Variants in HS3ST1 observed in about 807,000 individuals in gnomAD.
HS3ST1 encodes heparan sulfate-glucosamine 3-sulfotransferase 1, also known as heparan sulfate glucosamine 3-O-sulfotransferase 1.
In HS3ST1, 8 loss-of-function variants were observed where a neutral mutation model predicts 20.7. The ratio of observed to expected loss-of-function variants is 0.39; its 90% CI spans 0.23 to 0.70. The LOEUF is 0.70. HS3ST1 is among the 30% of genes least tolerant of loss of function. The probability of loss-of-function intolerance (pLI) is 0.46; values close to 1 mark genes in which losing one functional copy is unlikely to be tolerated. For missense variants in HS3ST1, 436 were observed against 423.4 expected (o/e 1.03, Z -0.26); for synonymous variants, 205 against 190.4 (o/e 1.08, Z -0.63).
chr4:11,427,695 G>T (rs1005022295), intron 1 of HS3ST1, among the ~76,000 whole-genome samples: 1 of 152,226 alleles, frequency 6.6e-6, no homozygotes, highest in South Asian at 2.1e-4. Context: ...GCGAGGAATC[G>T]CTGGCTCCCA....
intron 1 of HS3ST1, among the ~76,000 whole-genome samples, chr4:11,400,561 C>G (rs977140892): frequency 6.6e-6 from 1 of 152,122 alleles, no homozygotes; most frequent in African/African-American, 2.4e-5. Context: ...GCATGCTAAC[C>G]CTTGCTATAA....
rs1718134534 is a variant in HS3ST1 at position 11,395,996 on chromosome 4, T to G, written c.*3086A>C. The stretch of plus-strand genomic sequence containing the variant: ...TACTGGTTCCTGTTGTATTTTCTTT[T>G]TATATTCTTGAGGACTCAATACCAT... On this transcript the variant is annotated 3_prime_UTR_variant, in exon 2 of 2. Transcript: ENST00000002596. 6.6e-6 allele frequency: 1 copy of G among 152,202 alleles called. No homozygotes were observed. The highest frequency in any genetic ancestry group is 2.1e-4 in the South Asian group (1 of 4,832). 9.4% of individuals were successfully genotyped at this position (152,202 alleles called of 1,614,324 possible). A position where few individuals can be genotyped will look rare whatever the true frequency, so the allele number is the denominator to read the frequency against.
intron 1 of HS3ST1, among the ~76,000 whole-genome samples, chr4:11,412,581 G>A (rs1718666119): frequency 6.6e-6 from 1 of 152,148 alleles, no homozygotes; most frequent in Admixed American, 6.5e-5. Context: ...TCTCCTTGAT[G>A]GGGAGGGGGA....
intron 1 of HS3ST1, among the ~76,000 whole-genome samples, chr4:11,410,840 C>G (rs1718608085): frequency 1.3e-5 from 2 of 152,006 alleles, no homozygotes; most frequent in African/African-American, 4.8e-5. Flanking sequence ...TGCAGTGAGC[C>G]AAGATCACAC....
At chr4:11,426,774 C>T (rs146997239) in intron 1 of HS3ST1, among the ~76,000 whole-genome samples, 1 of 152,362 alleles carries the variant, frequency 6.6e-6, no homozygotes, top group African/African-American at 2.4e-5. Context: ...TAACCAAAAC[C>T]TGGAAAGACT....
chr4:11,411,899 C>G (rs1718648253), intron 1 of HS3ST1, among the ~76,000 whole-genome samples: 1 of 152,062 alleles, frequency 6.6e-6, no homozygotes, highest in Non-Finnish European at 1.5e-5. Context: ...CTCCATAGGA[C>G]CAAGAGCAAG....
chr4:11,418,157 G>A (rs1577446135), intron 1 of HS3ST1, among the ~76,000 whole-genome samples: 2 of 152,128 alleles, frequency 1.3e-5, no homozygotes, highest in Non-Finnish European at 2.9e-5. Context: ...TGATGACATC[G>A]GCTGCTTTGG....
intron 1 of HS3ST1, among the ~76,000 whole-genome samples, chr4:11,407,666 C>T (rs866324994): frequency 2.0e-5 from 3 of 152,314 alleles, no homozygotes; most frequent in Non-Finnish European, 4.4e-5. Flanking sequence ...ATAAAAAATT[C>T]GCATGAGAGG....
At chr4:11,418,192 G>T (rs900951151) in intron 1 of HS3ST1, among the ~76,000 whole-genome samples, 1 of 152,222 alleles carries the variant, frequency 6.6e-6, no homozygotes, top group Non-Finnish European at 1.5e-5. Flanking sequence ...TTAGCCACCT[G>T]GAGGGGAGGA....
chr4:11,429,877 G>A (rs1293183090), upstream of HS3ST1: 1 of 151,870 alleles, frequency 6.6e-6, no homozygotes, highest in African/African-American at 2.4e-5. Flanking sequence ...TGAGCCAAAG[G>A]AAGTTGCCCT....
rs1299795927 is a variant in HS3ST1 at position 11,393,484 on chromosome 4, A to G, written c.*5598T>C. 2.0e-5 allele frequency: 3 copies of G among 152,108 alleles called. No homozygotes were observed. The highest frequency in any genetic ancestry group is 4.8e-5 in the African/African-American group (2 of 41,332). 9.4% of individuals were successfully genotyped at this position (152,108 alleles called of 1,614,324 possible). ...ATGTAAAATACAGAGAGAAGAAAAC[A>G]TGCATGCAAGGTTAAGACTTTAGAG... On this transcript the variant is annotated 3_prime_UTR_variant, in exon 2 of 2. Transcript: ENST00000002596.
intron 1 of HS3ST1, among the ~76,000 whole-genome samples, chr4:11,422,764 G>T (rs1039577236): frequency 9.9e-5 from 15 of 152,086 alleles, no homozygotes; most frequent in African/African-American, 3.4e-4. Context: ...AATGCAAAAT[G>T]AAATTTTATA....
At chr4:11,404,775 G>A (rs1051866232) in intron 1 of HS3ST1, among the ~76,000 whole-genome samples, 2 of 152,204 alleles carry the variant, frequency 1.3e-5, no homozygotes, top group African/African-American at 4.8e-5. Flanking sequence ...TGGAGCTGAG[G>A]CCACATCCTT....
intron 1 of HS3ST1, among the ~76,000 whole-genome samples, chr4:11,418,247 A>G (rs1718838342): frequency 6.6e-6 from 1 of 152,198 alleles, no homozygotes; most frequent in Non-Finnish European, 1.5e-5. Context: ...AAGCAGCTAG[A>G]TCTATGATGA....
chr4:11,415,865 G>A (rs1718767406), intron 1 of HS3ST1, among the ~76,000 whole-genome samples: 1 of 152,136 alleles, frequency 6.6e-6, no homozygotes, highest in African/African-American at 2.4e-5. Flanking sequence ...AGGGCCCACT[G>A]GTCTATGTCA....
intron 1 of HS3ST1, among the ~76,000 whole-genome samples, chr4:11,410,390 G>A (rs1171379519): frequency 6.6e-6 from 1 of 152,172 alleles, no homozygotes; most frequent in Non-Finnish European, 1.5e-5. Flanking sequence ...ACACAATCTT[G>A]GAGAAAACTT....
chr4:11,401,451 T>C (rs1237303390), intron 1 of HS3ST1, among the ~76,000 whole-genome samples: 1 of 152,054 alleles, frequency 6.6e-6, no homozygotes, highest in Non-Finnish European at 1.5e-5. Context: ...TTCAAGTGAT[T>C]TTCCTGCCTC....
chr4:11,417,721 T>C (rs990195521), intron 1 of HS3ST1, among the ~76,000 whole-genome samples: 2 of 152,192 alleles, frequency 1.3e-5, no homozygotes, highest in African/African-American at 4.8e-5. Flanking sequence ...TAGAGAAATA[T>C]TGCAGATTGC....
rs1577431776 is a variant in HS3ST1 at position 11,393,834 on chromosome 4, GACA to G, written c.*5245_*5247del. 3 of 152,336 alleles carry G rather than the reference GACA, an allele frequency of 2.0e-5. No individual in the cohort carries two copies. The highest frequency in any genetic ancestry group is 2.1e-4 in the South Asian group (1 of 4,820). The allele number at this position is 152,336 out of a possible 1,614,324, so 9.4% of individuals were successfully genotyped here. On this transcript the variant is annotated 3_prime_UTR_variant, in exon 2 of 2. Coordinates refer to ENST00000002596, the MANE Select transcript of HS3ST1 (RefSeq NM_005114.4). The stretch of plus-strand genomic sequence containing the variant: ...CCTAGGAAAGCAGGGGAGTGGGGTG[GACA>G]ACATTTCTCAGGCATCTTCAGGTAA...
Sources: gnomAD v4.1 joint callset for allele counts (sites outside exome capture counted in the v4.1 genomes callset) on GRCh38, gnomAD v4.1.1 for gene constraint, MANE v1.5 for transcripts, NCBI Gene and HGNC (gene_info 2026-07-23, HGNC 2026-07-21) for gene names.